The following DNM3 variants were observed in gnomAD, a reference collection of about 807,000 sequenced individuals.
DNM3 encodes dynamin-3.
DNM3 carries 47 observed loss-of-function variants against 101.6 expected under a neutral mutation model. The observed-to-expected ratio is 0.46, with a 90% CI of 0.37 to 0.59. DNM3 has a LOEUF of 0.59. Ranked by LOEUF, DNM3 falls within the 20% of genes least tolerant of loss-of-function variation. The probability of loss-of-function intolerance (pLI) is 0.00; values close to 1 mark genes in which losing one functional copy is unlikely to be tolerated. For missense variants in DNM3, 849 were observed against 1,085.7 expected (o/e 0.78, Z 3.06); for synonymous variants, 385 against 387.9 (o/e 0.99, Z 0.09).
chr1:172,037,542 C>T (rs1371471777), intron 6 of DNM3, among the ~76,000 whole-genome samples: 2 of 151,988 alleles, frequency 1.3e-5, no homozygotes, highest in African/African-American at 4.8e-5. Flanking sequence ...TCTTTTAATT[C>T]AGACTTTTCT....
chr1:172,309,500 A>G (rs1242017398), intron 16 of DNM3: 3 of 152,206 alleles, frequency 2.0e-5, no homozygotes, highest in Non-Finnish European at 4.4e-5. Context: ...CTCACCCAAC[A>G]TATGTGCACC....
At chr1:171,929,919 C>G (rs1170468132) in intron 2 of DNM3, among the ~76,000 whole-genome samples, 1 of 152,154 alleles carries the variant, frequency 6.6e-6, no homozygotes. Flanking sequence ...AAGCTGAAGT[C>G]TGGAATGGCT....
downstream of DNM3, among the ~76,000 whole-genome samples, chr1:172,415,718 C>T (rs182138306): frequency 2.0e-4 from 30 of 151,838 alleles, no homozygotes; most frequent in East Asian, 4.9e-3. Context: ...TTAGTAGAGA[C>T]GGCATTTCAC....
intron 16 of DNM3, among the ~76,000 whole-genome samples, chr1:172,320,174 T>C (rs2065629472): frequency 6.6e-6 from 1 of 150,398 alleles, no homozygotes; most frequent in Non-Finnish European, 1.5e-5. Context: ...TAGATGGGAA[T>C]TGAACAATGA....
intron 14 of DNM3, among the ~76,000 whole-genome samples, chr1:172,220,651 G>A (rs575874138): frequency 5.9e-5 from 9 of 152,246 alleles, no homozygotes; most frequent in Non-Finnish European, 1.2e-4. Flanking sequence ...AATGGTAGAG[G>A]AAATGGAGAT....
intron 1 of DNM3, among the ~76,000 whole-genome samples, chr1:171,862,000 T>C (rs2034224612): frequency 1.3e-5 from 2 of 152,180 alleles, no homozygotes; most frequent in Middle Eastern, 3.4e-3. Flanking sequence ...CAGTAGTCAG[T>C]AGAGAAGCAA....
At chr1:172,403,478 T>A (rs752689031) in intron 20 of DNM3, among the ~76,000 whole-genome samples, 2 of 152,134 alleles carry the variant, frequency 1.3e-5, no homozygotes, top group Non-Finnish European at 2.9e-5. Flanking sequence ...TTTTAGTTCT[T>A]CTGTTCTTAA....
intron 15 of DNM3, among the ~76,000 whole-genome samples, chr1:172,269,097 T>C (rs1195649024): frequency 2.0e-5 from 3 of 152,234 alleles, no homozygotes; most frequent in Non-Finnish European, 4.4e-5. Context: ...ACTGGAGTTG[T>C]AACCGAAGCC....
Position 172,388,814 on chromosome 1 carries a change from GGCAT to G in DNM3, c.2522+7_2522+10del. ...GGCCCCGCCCAGTGTCCCAAGGTAA[GGCAT>G]GGAGCAGAAATTGGGGGGGTAGTGC... On this transcript the variant is annotated splice_donor_region_variant and intron_variant, in intron 20 of 20. Transcript: ENST00000627582. 1.9e-6 allele frequency: 3 copies of G among 1,565,684 alleles called. No individual in the cohort carries two copies. In the South Asian group the frequency reaches 3.5e-5, roughly 18 times the overall value.
intron 16 of DNM3, among the ~76,000 whole-genome samples, chr1:172,319,597 A>G (rs1279894479): frequency 1.3e-5 from 2 of 152,264 alleles, no homozygotes; most frequent in Non-Finnish European, 2.9e-5. Flanking sequence ...TTCTGAAAAG[A>G]AGACATTTAT....
chr1:172,067,927 C>T (rs905809370), intron 10 of DNM3, among the ~76,000 whole-genome samples: 6 of 152,156 alleles, frequency 3.9e-5, no homozygotes, highest in Non-Finnish European at 8.8e-5. Flanking sequence ...AGACCATGGG[C>T]TCTGGAGTCC....
intron 17 of DNM3, among the ~76,000 whole-genome samples, chr1:172,364,845 C>T (rs1201599300): frequency 6.6e-6 from 1 of 151,900 alleles, no homozygotes; most frequent in Non-Finnish European, 1.5e-5. Flanking sequence ...CCCTCTCTTG[C>T]TACTGCTCTG....
chr1:172,206,831 A>G (rs1393869444), intron 14 of DNM3, among the ~76,000 whole-genome samples: 1 of 152,062 alleles, frequency 6.6e-6, no homozygotes. Context: ...CGTACTTGGA[A>G]AATTTGTATT....
At chr1:172,208,324 A>C (rs1237653390) in intron 14 of DNM3, among the ~76,000 whole-genome samples, 1 of 152,130 alleles carries the variant, frequency 6.6e-6, no homozygotes, top group Non-Finnish European at 1.5e-5. Context: ...AATTTTATGC[A>C]TCAACTTGGC....
intron 15 of DNM3, among the ~76,000 whole-genome samples, chr1:172,307,334 T>A (rs964073756): frequency 2.0e-5 from 3 of 152,180 alleles, no homozygotes; most frequent in African/African-American, 7.2e-5. Flanking sequence ...AGATAACATC[T>A]TACACCAGTT....
At chr1:172,300,962 T>C (rs1348132292) in intron 15 of DNM3, among the ~76,000 whole-genome samples, 1 of 152,188 alleles carries the variant, frequency 6.6e-6, no homozygotes, top group Non-Finnish European at 1.5e-5. Flanking sequence ...CACATCAAGA[T>C]TCCTTGGCAA....
At chr1:171,852,914 A>G (rs2033146746) in intron 1 of DNM3, among the ~76,000 whole-genome samples, 1 of 150,150 alleles carries the variant, frequency 6.7e-6, no homozygotes, top group Non-Finnish European at 1.5e-5. Context: ...TTTGTTTTAA[A>G]CAGTCTACGA....
chr1:172,335,812 C>T (rs550728558), intron 17 of DNM3, among the ~76,000 whole-genome samples: 1 of 151,978 alleles, frequency 6.6e-6, no homozygotes, highest in South Asian at 2.1e-4. Flanking sequence ...AAAGAGGGGA[C>T]GTGGACTGAA....
intron 10 of DNM3, among the ~76,000 whole-genome samples, chr1:172,066,895 T>G (rs1443369682): frequency 6.6e-6 from 1 of 152,090 alleles, no homozygotes; most frequent in Non-Finnish European, 1.5e-5. Context: ...TCCTTATCAT[T>G]GTAGTTCAGA....
Sources: allele counts gnomAD v4.1 joint callset (sites outside exome capture counted in the v4.1 genomes callset), GRCh38; gene constraint gnomAD v4.1.1; transcripts MANE v1.5; gene names NCBI Gene and HGNC (gene_info 2026-07-23, HGNC 2026-07-21).